TACC3: variants seen among roughly 807,000 people sequenced by gnomAD.
The protein encoded by TACC3 is transforming acidic coiled-coil-containing protein 3.
Under a neutral mutation model 86.0 loss-of-function variants are expected in TACC3, and 52 were observed. That is an observed-to-expected ratio of 0.60 (90% confidence interval 0.48 to 0.76). The LOEUF is 0.76. Ranked by LOEUF, TACC3 falls within the 30% of genes least tolerant of loss-of-function variation. The pLI is 0.00. For synonymous variants in TACC3, 512 were observed against 430.0 expected (o/e 1.19, Z -2.36); for missense variants, 1,120 against 1,070.4 (o/e 1.05, Z -0.65).
rs757267722 is a variant in TACC3, at chr4:1,728,130, C to T, written c.728C>T (p.Ala243Val). The T allele has an allele frequency of 3.1e-6, 5 of 1,611,914 alleles. No individual in the cohort carries two copies. The Admixed American group carries it at 5.0e-5, about 16-fold the overall frequency. Reference sequence around the variant, plus strand: ...GAATGCCGGCACGGTGGGGTCTGTGCTCCCGCAGCAGTGGCCACTTCGCCT... The same window carrying T: ...GAATGCCGGCACGGTGGGGTCTGTGTTCCCGCAGCAGTGGCCACTTCGCCT... ...EEECRHGGVC[A>V]PAAVATSPPG... is the part of the protein sequence containing the mutation. Residue 243 changes from alanine to valine, a missense_variant, in exon 4 of 16, where the codon GCT becomes GTT. Transcript: ENST00000313288.
Position 1,731,311 on chromosome 4 carries a change from C to T in TACC3, c.1591+10C>T. 6.2e-7 allele frequency: 1 copy of T among 1,612,736 alleles called. No homozygotes were observed. The highest frequency in any genetic ancestry group is 8.5e-7 in the Non-Finnish European group (1 of 1,179,888). The stretch of plus-strand genomic sequence containing the variant: ...AGAGACCCCGCTGAGGGTACGTTGC[C>T]TGGCACAGACGTCACACACAGTCTG... On this transcript the variant is annotated intron_variant, in intron 6 of 15. Transcript: ENST00000313288.
intron 9 of TACC3, 111 bp downstream of exon 9, chr4:1,737,439 G>A: frequency 1.7e-6 from 2 of 1,197,470 alleles, no homozygotes; most frequent in South Asian, 2.7e-5. Flanking sequence ...GTTTTGTTGG[G>A]GGCATGGGGC....
chr4:1,728,847 G>A (rs905548344), intron 4 of TACC3, 60 bp downstream of exon 4: 9 of 1,492,194 alleles, frequency 6.0e-6, no homozygotes, highest in African/African-American at 1.4e-5. Flanking sequence ...AGTGTATGTG[G>A]TCCAGGACCC....
At chr4:1,727,616 G>A in intron 3 of TACC3, 92 bp from the exon 4 acceptor site, 1 of 1,514,132 alleles carries the variant, frequency 6.6e-7, no homozygotes, top group African/African-American at 1.4e-5. Flanking sequence ...CTTCTGGTGT[G>A]AGAATGTTAA....
intron 9 of TACC3, 45 bp downstream of exon 9, chr4:1,737,373 G>A (rs1469331088): frequency 3.8e-6 from 6 of 1,576,780 alleles, no homozygotes; most frequent in South Asian, 1.1e-5. Flanking sequence ...TGTGGTCTGA[G>A]GGAACGAGTT....
chr4:1,730,942 A>G lies in TACC3; in HGVS notation c.1441A>G (p.Thr481Ala). ...GCCTGTGGTGCAGTTGGCAGCCGAG[A>G]CCCCAACAGCAGAGAGCAAGGTAAG... Reference protein sequence around the residue: ...DTPVVQLAAETPTAESKERAL... With the variant: ...DTPVVQLAAEAPTAESKERAL... The change falls in exon 5 of 16, where the codon ACC (threonine) becomes GCC (alanine). Residue 481 changes from threonine (T) to alanine (A), a missense_variant. Thr to Ala is a moderately conservative substitution (Grantham distance 58). Transcript: ENST00000313288. 6.2e-7 allele frequency: 1 copy of G among 1,613,418 alleles called. No homozygotes were observed. The highest frequency in any genetic ancestry group is 8.5e-7 in the Non-Finnish European group (1 of 1,180,030).
In TACC3 at chr4:1,733,445, T is replaced by C. The variant is rs76772612; in HGVS notation, c.1592-1828T>C. On this transcript the variant is annotated intron_variant, in intron 6 of 15. Transcript: ENST00000313288. ...CCGAGGCAGGATTGTTTGAGCCCTG[T>C]AGTTTGAGACTAACCTGGGCAACAT... Among the ~76,000 whole-genome samples the C allele has an allele frequency of 3.6e-3, 555 of 152,254 alleles. 3 individuals carry two copies. Among genetic ancestry groups the C allele is most frequent in the African/African-American group, 0.012 (501 of 41,542 alleles).
chr4:1,737,735 C>G (rs1718356521), intron 10 of TACC3, 33 bp downstream of exon 10: 2 of 1,538,512 alleles, frequency 1.3e-6, no homozygotes. Flanking sequence ...TTCCACAGAA[C>G]CTGCAGGCCG....
Position 1,728,031 on chromosome 4 carries a change from C to T in TACC3, c.629C>T (p.Ser210Phe), listed in dbSNP as rs914777196. The T allele has an allele frequency of 1.2e-6, 2 of 1,612,966 alleles. No individual in the cohort carries two copies. The highest frequency in any genetic ancestry group is 1.7e-5 in the Admixed American group (1 of 60,008). Residue 210 changes from serine (S) to phenylalanine (F), a missense_variant, in exon 4 of 16, where the codon TCC (serine) becomes TTC (phenylalanine). Physicochemically the swap from Ser to Phe is radical, Grantham distance 155. Transcript: ENST00000313288. ...CTAGAAGACCCTTGCAGGACAGAGT[C>T]CCAGCACAAAGCGGAGACTCCGCAC... ...ETLEDPCRTE[S>F]QHKAETPHGA...
chr4:1,735,301 C>G lies in TACC3; in HGVS notation c.1620C>G (p.Tyr540Ter). Residue 540 changes from tyrosine to a stop codon, truncating the protein, a stop_gained, in exon 7 of 16, where the codon TAC becomes TAG. Coordinates refer to ENST00000313288, the MANE Select transcript of TACC3 (RefSeq NM_006342.3). LOFTEE classifies it high-confidence loss of function. The surrounding 1 kb of genome is among the most constrained non-coding windows in gnomAD (Gnocchi z 4.2). ...EVLGTGAEVD[Y>*]LEQFGTSSFK... ...TAGGCACGGGCGCGGAGGTGGATTA[C>G]CTGGAGCAGTTTGGAACTTCCTCGG... The G allele has an allele frequency of 6.2e-7, 1 of 1,614,062 alleles. No individual in the cohort carries two copies. The highest frequency in any genetic ancestry group is 8.5e-7 in the Non-Finnish European group (1 of 1,180,028).
Position 1,723,316 on chromosome 4 carries a change from C to T in TACC3, c.-1-105C>T, listed in dbSNP as rs1447977999. 3.4e-6 allele frequency: 4 copies of T among 1,189,146 alleles called. No individual in the cohort carries two copies. In the African/African-American group the frequency reaches 6.1e-5, roughly 18 times the overall value. The allele number at this position is 1,189,146 out of a possible 1,614,324, so 73.7% of individuals were successfully genotyped here. On this transcript the variant is annotated intron_variant, in intron 1 of 15. Coordinates refer to ENST00000313288, the MANE Select transcript of TACC3 (RefSeq NM_006342.3). ...GTGAGTTCCAGAGCAATGAGCACAC[C>T]TGTGTGGGAAGTGGTCGTGCCCCTT...
intron 10 of TACC3, among the ~76,000 whole-genome samples, chr4:1,738,718 C>T (rs1045931632): frequency 3.9e-5 from 6 of 152,204 alleles, no homozygotes; most frequent in Admixed American, 3.9e-4. Context: ...AGCCCTACTG[C>T]TGTGTTGTTC....
chr4:1,722,561 C>A (rs758315321), intron 1 of TACC3, among the ~76,000 whole-genome samples: 2 of 152,078 alleles, frequency 1.3e-5, no homozygotes, highest in Non-Finnish European at 2.9e-5. Context: ...CCGGGGCTGC[C>A]CCCTCTCTCT....
chr4:1,722,144 G>A (rs1196047756), intron 1 of TACC3, among the ~76,000 whole-genome samples: 1 of 152,136 alleles, frequency 6.6e-6, no homozygotes, highest in Non-Finnish European at 1.5e-5. Context: ...GTGCACCAGA[G>A]TAGCACCAAA....
intron 10 of TACC3, chr4:1,737,976 G>T (rs1272718852): frequency 9.3e-6 from 5 of 537,744 alleles, no homozygotes; most frequent in Non-Finnish European, 1.8e-5. Context: ...GCCTCTGGTG[G>T]CCTTGCAGCA....
chr4:1,720,765 C>A, upstream of TACC3: 2 of 1,590,768 alleles, frequency 1.3e-6, no homozygotes, highest in Admixed American at 1.7e-5. The surrounding 1 kb of genome is among the most constrained non-coding windows in gnomAD (Gnocchi z 4.4). Flanking sequence ...GCGTGGAACT[C>A]GTTGGGCGTG....
At position 1,738,036 on chromosome 4, in the gene TACC3, C is replaced by T. The variant is rs113393810; in HGVS notation, c.1941+334C>T. On this transcript the variant is annotated intron_variant, in intron 10 of 15. Coordinates refer to ENST00000313288, the MANE Select transcript of TACC3 (RefSeq NM_006342.3). ...AGCCCGAGTGTCGCCCCTTTCCTCC[C>T]GCCCTCCCACGAGTCCAGACGCATC... The T allele has an allele frequency of 8.1e-4, 324 of 397,972 alleles. 2 individuals are homozygous for T. Among genetic ancestry groups the T allele is most frequent in the Middle Eastern group, 3.2e-3 (4 of 1,264 alleles). 24.7% of individuals were successfully genotyped at this position (397,972 alleles called of 1,614,324 possible).
intron 13 of TACC3, 74 bp from the exon 14 acceptor site, chr4:1,744,444 G>T: frequency 7.2e-7 from 1 of 1,391,046 alleles, no homozygotes; most frequent in Non-Finnish European, 1.0e-6. Flanking sequence ...GGATCTGCAG[G>T]TCCCCAGACA....
At chr4:1,737,451 G>T in intron 9 of TACC3, 123 bp downstream of exon 9, 2 of 1,138,932 alleles carry the variant, frequency 1.8e-6, no homozygotes, top group Admixed American at 2.1e-5. Context: ...GCATGGGGCC[G>T]CTGTGCTGTT....
Sources: gnomAD v4.1 joint callset for allele counts (sites outside exome capture counted in the v4.1 genomes callset) on GRCh38, gnomAD v4.1.1 for gene constraint, Gnocchi (gnomAD v3.1) non-coding constraint, MANE v1.5 for transcripts, NCBI Gene and HGNC (gene_info 2026-07-23, HGNC 2026-07-21) for gene names.